Variants in FRMD6 observed in about 807,000 individuals in gnomAD.
FRMD6 encodes FERM domain containing 6.
Under a neutral mutation model 73.2 loss-of-function variants are expected in FRMD6, and 37 were observed. The observed-to-expected ratio is 0.51, with a 90% CI of 0.39 to 0.66. FRMD6 has a LOEUF of 0.66. Ranked by LOEUF, FRMD6 falls within the 30% of genes least tolerant of loss-of-function variation. The pLI is 0.00. For synonymous variants in FRMD6, 273 were observed against 282.2 expected (o/e 0.97, Z 0.33); for missense variants, 714 against 780.5 (o/e 0.91, Z 1.02).
At chr14:51,406,179 G>A in the FRMD6 span, among the ~76,000 whole-genome samples, 3 of 152,082 alleles carry the variant, frequency 2.0e-5, no homozygotes, top group African/African-American at 7.2e-5. Flanking sequence ...CTGTTCCACT[G>A]GTCTATATCC....
At chr14:51,513,397 A>G (rs893319976) in intron 1 of FRMD6, among the ~76,000 whole-genome samples, 5 of 152,202 alleles carry the variant, frequency 3.3e-5, no homozygotes, top group Non-Finnish European at 7.3e-5. Context: ...GAGAATTCTG[A>G]GGAACAGATT....
At chr14:51,472,302 T>A in the FRMD6 span, among the ~76,000 whole-genome samples, 1 of 151,854 alleles carries the variant, frequency 6.6e-6, no homozygotes, top group Non-Finnish European at 1.5e-5. Flanking sequence ...TTATTATTAT[T>A]ATAATAATAA....
Position 51,627,672 on chromosome 14 carries a change from A to G in FRMD6, c.-147+57262A>G, listed in dbSNP as rs998462138. Among the ~76,000 whole-genome samples the G allele has an allele frequency of 6.9e-4, 105 of 152,206 alleles. 2 individuals carry two copies. The highest frequency in any genetic ancestry group is 1.9e-4 in the Non-Finnish European group (13 of 68,024). ...TCCATTCCTGATGCTTGAGAACAGA[A>G]GCAGCTTCTGGCCTGTGATCATCTC... On this transcript the variant is annotated intron_variant, in intron 2 of 14. Transcript: ENST00000356218.
intron 4 of FRMD6, among the ~76,000 whole-genome samples, chr14:51,702,205 T>C (rs1441432207): frequency 6.6e-6 from 1 of 152,006 alleles, no homozygotes; most frequent in Non-Finnish European, 1.5e-5. Context: ...AGGAGCTGGG[T>C]CTCAGCTAGA....
chr14:51,626,787 C>T (rs928357465), intron 2 of FRMD6, among the ~76,000 whole-genome samples: 1 of 152,134 alleles, frequency 6.6e-6, no homozygotes, highest in African/African-American at 2.4e-5. Flanking sequence ...CTTTTCTCAT[C>T]TACAAAATAG....
At chr14:51,645,375 A>C (rs1892017809) in intron 2 of FRMD6, among the ~76,000 whole-genome samples, 1 of 152,190 alleles carries the variant, frequency 6.6e-6, no homozygotes, top group Non-Finnish European at 1.5e-5. Flanking sequence ...TGGAGGCTGC[A>C]CCAAGTCCTT....
the FRMD6 span, among the ~76,000 whole-genome samples, chr14:51,474,459 T>C: frequency 6.6e-6 from 1 of 152,196 alleles, no homozygotes; most frequent in African/African-American, 2.4e-5. Context: ...GCAGTGCATC[T>C]GAAATGCAGA....
chr14:51,492,084 C>T lies in FRMD6; in HGVS notation c.-210+2664C>T, dbSNP rs114266133. Among the ~76,000 whole-genome samples, 1,400 of 152,344 alleles carry T rather than the reference C, an allele frequency of 9.2e-3. 17 individuals are homozygous for T. The highest frequency in any genetic ancestry group is 0.032 in the African/African-American group (1,330 of 41,568). On this transcript the variant is annotated intron_variant, in intron 1 of 14. Transcript: ENST00000356218. ...TAACTCTGCAGGAACATATGTTTGA[C>T]TTCCACTATGCTGCTGTTTCCGGAG... is the stretch of plus-strand genomic sequence containing the variant.
chr14:51,442,494 GC>G, the FRMD6 span, among the ~76,000 whole-genome samples: 2 of 152,116 alleles, frequency 1.3e-5, no homozygotes, highest in Non-Finnish European at 2.9e-5. Flanking sequence ...AGTCTAAATG[GC>G]CTTGTGAGTT....
chr14:51,645,238 A>G (rs775412052), intron 2 of FRMD6, among the ~76,000 whole-genome samples: 1 of 152,192 alleles, frequency 6.6e-6, no homozygotes, highest in Non-Finnish European at 1.5e-5. Context: ...GAGAGGAGAA[A>G]CAGCGATCTT....
chr14:51,687,512 G>A (rs1895248293), intron 1 of FRMD6, among the ~76,000 whole-genome samples: 1 of 152,132 alleles, frequency 6.6e-6, no homozygotes. Context: ...TAAATGGTAT[G>A]CCTAAGAATA....
chr14:51,618,460 C>G (rs982266131), intron 2 of FRMD6, among the ~76,000 whole-genome samples: 5 of 152,144 alleles, frequency 3.3e-5, no homozygotes, highest in Non-Finnish European at 7.3e-5. Context: ...TGGAGAGAAG[C>G]AAGTATGGCA....
chr14:51,446,470 A>ACACACACACACACACG, the FRMD6 span, among the ~76,000 whole-genome samples: 3 of 151,836 alleles, frequency 2.0e-5, no homozygotes, highest in South Asian at 6.3e-4. Flanking sequence ...ACACACACAC[A>ACACACACACACACACG]CGGAAGTTGA....
chr14:51,644,395 A>ACTCT lies in FRMD6; in HGVS notation c.-146-45280_-146-45277dup, dbSNP rs71121654. On this transcript the variant is annotated intron_variant, in intron 2 of 14. Transcript: ENST00000356218. The stretch of plus-strand genomic sequence containing the variant: ...CACACACACACACACACACTCACTC[A>ACTCT]CTCTCTCTCTCTCTCTCTCCCTCCC... Among the ~76,000 whole-genome samples the ACTCT allele has an allele frequency of 8.7e-4, 127 of 146,316 alleles. No homozygotes were observed. The East Asian group carries it at 0.025, about 29-fold the overall frequency.
chr14:51,501,034 C>T (rs1177914294), intron 1 of FRMD6, among the ~76,000 whole-genome samples: 2 of 152,160 alleles, frequency 1.3e-5, no homozygotes, highest in Non-Finnish European at 2.9e-5. Flanking sequence ...CAGACAGCTT[C>T]CCTGTTCCTC....
At chr14:51,546,568 G>A (rs992994559) in intron 1 of FRMD6, 1 of 75,298 alleles carries the variant, frequency 1.3e-5, no homozygotes, top group African/African-American at 5.4e-5. Context: ...AAGGTAATTT[G>A]TTCCCCCTCC....
the FRMD6 span, among the ~76,000 whole-genome samples, chr14:51,418,068 G>C: frequency 2.6e-5 from 4 of 152,072 alleles, no homozygotes; most frequent in African/African-American, 9.7e-5. Context: ...TTTTTTCAAG[G>C]TTTTTAGCTT....
the FRMD6 span, among the ~76,000 whole-genome samples, chr14:51,410,477 C>A: frequency 6.6e-6 from 1 of 152,178 alleles, no homozygotes; most frequent in African/African-American, 2.4e-5. Context: ...TTGAACATAA[C>A]TCCAATTATT....
intron 3 of FRMD6, among the ~76,000 whole-genome samples, chr14:51,700,109 G>C (rs2140436246): frequency 6.6e-6 from 1 of 152,042 alleles, no homozygotes; most frequent in East Asian, 1.9e-4. Flanking sequence ...GCACATCTTT[G>C]GAGTAGTCAA....
Sources: allele counts gnomAD v4.1 joint callset (sites outside exome capture counted in the v4.1 genomes callset), GRCh38; gene constraint gnomAD v4.1.1; transcripts MANE v1.5; gene names NCBI Gene and HGNC (gene_info 2026-07-23, HGNC 2026-07-21).